The following ATF7IP variants were observed in gnomAD, a reference collection of about 807,000 sequenced individuals.
The protein encoded by ATF7IP is activating transcription factor 7-interacting protein 1.
In ATF7IP, 23 loss-of-function variants were observed where a neutral mutation model predicts 106.4. The ratio of observed to expected loss-of-function variants is 0.22; its 90% CI spans 0.16 to 0.31. The LOEUF (loss-of-function observed/expected upper bound fraction) is 0.31, where lower values mean the gene tolerates loss of function less well. ATF7IP is among the 10% of genes least tolerant of loss of function. The pLI, the probability that ATF7IP is intolerant of heterozygous loss-of-function variation, is 1.00. For synonymous variants in ATF7IP, 542 were observed against 539.0 expected (o/e 1.01, Z -0.08); for missense variants, 1,334 against 1,524.3 (o/e 0.88, Z 2.08).
At chr12:14,465,578 AG>A in intron 9 of ATF7IP, among the ~76,000 whole-genome samples, 2 of 151,856 alleles carry the variant, frequency 1.3e-5, no homozygotes, top group Non-Finnish European at 2.9e-5. Context: ...TACAAAAAGA[AG>A]GTAATTCAGA....
intron 9 of ATF7IP, among the ~76,000 whole-genome samples, chr12:14,465,070 G>C (rs1355079745): frequency 2.0e-5 from 3 of 152,046 alleles, no homozygotes; most frequent in Non-Finnish European, 4.4e-5. Context: ...ACAAAAATTA[G>C]CCAGGCATGG....
chr12:14,386,616 A>C lies in ATF7IP; in HGVS notation c.-8+20789A>C, dbSNP rs142666473. Among the ~76,000 whole-genome samples the C allele has an allele frequency of 3.1e-3, 477 of 152,296 alleles. 2 individuals are homozygous for C. The highest frequency in any genetic ancestry group is 0.011 in the African/African-American group (450 of 41,588). On this transcript the variant is annotated intron_variant, in intron 1 of 14. Coordinates refer to ENST00000261168, the MANE Select transcript of ATF7IP (RefSeq NM_018179.5). The stretch of plus-strand genomic sequence containing the variant: ...CTTAATTCTGCAAGGCTTAAGAAAC[A>C]AAAGGACACGTGATATTTTATTGTT...
chr12:14,375,027 A>G (rs995501305), intron 1 of ATF7IP, among the ~76,000 whole-genome samples: 3 of 152,154 alleles, frequency 2.0e-5, no homozygotes, highest in Admixed American at 1.3e-4. Flanking sequence ...TAAGACCACT[A>G]TTAAAAGTGT....
At chr12:14,430,288 G>T (rs1385872411) in intron 2 of ATF7IP, among the ~76,000 whole-genome samples, 1 of 152,172 alleles carries the variant, frequency 6.6e-6, no homozygotes, top group East Asian at 1.9e-4. Context: ...AGATGGAAGA[G>T]AAGTATTTAA....
chr12:14,423,763 G>A (rs1941670363), intron 1 of ATF7IP, 146 bp from the exon 2 acceptor site: 6 of 815,570 alleles, frequency 7.4e-6, no homozygotes, highest in Non-Finnish European at 1.1e-5. Context: ...ATGATAATTA[G>A]TATACAACAA....
intron 10 of ATF7IP, among the ~76,000 whole-genome samples, chr12:14,469,195 AC>A (rs1309460221): frequency 6.6e-6 from 1 of 151,984 alleles, no homozygotes; most frequent in Non-Finnish European, 1.5e-5. Flanking sequence ...ACATGTCTCT[AC>A]TAAAAATACA....
At chr12:14,468,126 G>A (rs545693441) in intron 10 of ATF7IP, among the ~76,000 whole-genome samples, 1 of 151,968 alleles carries the variant, frequency 6.6e-6, no homozygotes. Context: ...AATTTGCCTG[G>A]TGTGGTGACG....
chr12:14,404,389 C>G (rs1354184409), intron 1 of ATF7IP, among the ~76,000 whole-genome samples: 1 of 152,130 alleles, frequency 6.6e-6, no homozygotes, highest in Admixed American at 6.5e-5. Flanking sequence ...TGACCACAGG[C>G]ATTTGATGAA....
chr12:14,445,901 A>G (rs982022596), intron 5 of ATF7IP, among the ~76,000 whole-genome samples: 1 of 152,230 alleles, frequency 6.6e-6, no homozygotes, highest in Non-Finnish European at 1.5e-5. Context: ...TTCAGCAGCA[A>G]CAGCAACAGA....
intron 1 of ATF7IP, among the ~76,000 whole-genome samples, chr12:14,397,225 T>C (rs1835240745): frequency 6.6e-6 from 1 of 152,076 alleles, no homozygotes; most frequent in Non-Finnish European, 1.5e-5. Flanking sequence ...AGGATAAAGG[T>C]ATATAGTCTT....
chr12:14,439,273 G>A (rs1458982121), intron 5 of ATF7IP, among the ~76,000 whole-genome samples: 2 of 152,194 alleles, frequency 1.3e-5, no homozygotes, highest in Non-Finnish European at 2.9e-5. Context: ...GGTAAACCAT[G>A]TATAGGGCCT....
chr12:14,424,135 A>T lies in ATF7IP; in HGVS notation c.220A>T (p.Ile74Phe). Residue 74 changes from isoleucine (I) to phenylalanine (F), a missense_variant, in exon 2 of 15, where the codon ATT (isoleucine) becomes TTT (phenylalanine). By Grantham distance (21) the Ile-to-Phe change is conservative (BLOSUM62 0). This residue lies in a region of ATF7IP where 74 missense variants were observed against 101.9 expected (regional missense o/e 0.73). Coordinates refer to ENST00000261168, the MANE Select transcript of ATF7IP (RefSeq NM_018179.5). Reference protein sequence around the residue: ...YIKDKEEVNGIEEICFDPEGS... With the variant: ...YIKDKEEVNGFEEICFDPEGS... ...TAAAGACAAGGAAGAGGTGAATGGC[A>T]TTGAAGAGATTTGTTTTGATCCTGA... 1 of 1,614,238 alleles carries T rather than the reference A, an allele frequency of 6.2e-7. No homozygotes were observed. Among genetic ancestry groups the T allele is most frequent in the Non-Finnish European group, 8.5e-7 (1 of 1,180,026 alleles).
In ATF7IP at chr12:14,497,935, C is replaced by A. The variant is rs1422032270; in HGVS notation, c.3675C>A (p.Pro1225=). Residue 1225 remains proline, a synonymous_variant, in exon 15 of 15, where the codon CCC becomes CCA. Transcript: ENST00000261168. ...KIGEVKALPL[P]MACTLTQFVS... ...GGGAAGTCAAGGCACTTCCCTTGCC[C>A]ATGGCATGTACTCTCACCCAGTTTG... 3.1e-6 allele frequency: 5 copies of A among 1,614,198 alleles called. No homozygotes were observed. The highest frequency in any genetic ancestry group is 4.2e-6 in the Non-Finnish European group (5 of 1,180,034).
chr12:14,432,274 C>G (rs1164031444), intron 2 of ATF7IP, among the ~76,000 whole-genome samples: 1 of 152,088 alleles, frequency 6.6e-6, no homozygotes, highest in Non-Finnish European at 1.5e-5. Flanking sequence ...CTCAAGCATC[C>G]CAGTTACTCT....
chr12:14,448,929 G>A (rs986109694), intron 6 of ATF7IP, among the ~76,000 whole-genome samples: 2 of 152,080 alleles, frequency 1.3e-5, no homozygotes, highest in Non-Finnish European at 2.9e-5. Context: ...TCATATGCTT[G>A]TTGGCCATTT....
intron 8 of ATF7IP, among the ~76,000 whole-genome samples, chr12:14,459,959 T>C (rs1258851276): frequency 6.6e-6 from 1 of 152,192 alleles, no homozygotes; most frequent in Non-Finnish European, 1.5e-5. Flanking sequence ...CTCCCCTCAA[T>C]AGTTCCTCTC....
At chr12:14,431,400 T>C (rs1283587692) in intron 2 of ATF7IP, among the ~76,000 whole-genome samples, 1 of 147,118 alleles carries the variant, frequency 6.8e-6, no homozygotes, top group East Asian at 2.0e-4. Flanking sequence ...AAAACATTCT[T>C]TTTTTTTTTT....
At chr12:14,494,593 T>C (rs975952456) in intron 13 of ATF7IP, among the ~76,000 whole-genome samples, 20 of 148,450 alleles carry the variant, frequency 1.3e-4, no homozygotes, top group African/African-American at 4.4e-4. Flanking sequence ...TGAATGTTTA[T>C]ATATATAAAG....
chr12:14,468,204 G>A (rs1208029314), intron 10 of ATF7IP, among the ~76,000 whole-genome samples: 2 of 149,922 alleles, frequency 1.3e-5, no homozygotes, highest in African/African-American at 4.9e-5. Flanking sequence ...GAGGGCGGAG[G>A]TTGCAGTGAG....
Sources: allele counts gnomAD v4.1 joint callset (sites outside exome capture counted in the v4.1 genomes callset), GRCh38; gene constraint gnomAD v4.1.1; regional missense constraint gnomAD v4.1.1; transcripts MANE v1.5; gene names NCBI Gene and HGNC (gene_info 2026-07-23, HGNC 2026-07-21).